The following ALLC variants were observed in gnomAD, a reference collection of about 807,000 sequenced individuals.
ALLC encodes the protein allantoicase, also known as probable inactive allantoicase.
In ALLC, 40 loss-of-function variants were observed where a neutral mutation model predicts 45.0. The ratio of observed to expected loss-of-function variants is 0.89; its 90% CI spans 0.69 to 1.16. The LOEUF is 1.16. Ranked by LOEUF, ALLC falls within the 50% of genes most tolerant of loss-of-function variation. ALLC has a pLI of 0.00. For missense variants in ALLC, 488 were observed against 493.1 expected (o/e 0.99, Z 0.10); for synonymous variants, 176 against 178.1 (o/e 0.99, Z 0.09).
chr2:3,650,931 A>G, the ALLC span, among the ~76,000 whole-genome samples: 1 of 152,196 alleles, frequency 6.6e-6, no homozygotes, highest in Non-Finnish European at 1.5e-5. Context: ...AGTCAGAACC[A>G]TTACCCTGAT....
chr2:3,673,716 A>G (rs1666950561), intron 2 of ALLC, among the ~76,000 whole-genome samples: 1 of 152,240 alleles, frequency 6.6e-6, no homozygotes, highest in South Asian at 2.1e-4. Context: ...CCCCAACCGC[A>G]TACGTAACCC....
chr2:3,647,057 G>GCCCCCGCACCCCTCAT, the ALLC span, among the ~76,000 whole-genome samples: 3 of 152,056 alleles, frequency 2.0e-5, no homozygotes, highest in African/African-American at 7.2e-5. Context: ...CACTCCCTCA[G>GCCCCCGCACCCCTCAT]CCCCCGCACC....
intron 5 of ALLC, among the ~76,000 whole-genome samples, chr2:3,681,221 G>A (rs376663292): frequency 2.0e-5 from 3 of 152,152 alleles, no homozygotes; most frequent in South Asian, 2.1e-4. Context: ...AGATTGTTTC[G>A]GCAAGCCCCT....
chr2:3,660,732 T>G (rs1417846248), intron 1 of ALLC, among the ~76,000 whole-genome samples: 1 of 151,992 alleles, frequency 6.6e-6, no homozygotes, highest in Non-Finnish European at 1.5e-5. Context: ...GATTGGCTGA[T>G]TTAAAGAGAG....
At chr2:3,689,777 G>A (rs185630272) in intron 7 of ALLC, among the ~76,000 whole-genome samples, 6 of 150,684 alleles carry the variant, frequency 4.0e-5, no homozygotes, top group East Asian at 2.0e-4. Context: ...CTGTCTGGAC[G>A]ATTTGTCCAT....
intron 9 of ALLC, 70 bp downstream of exon 9, chr2:3,696,418 A>G (rs1667674983): frequency 7.3e-7 from 1 of 1,373,308 alleles, no homozygotes; most frequent in African/African-American, 1.5e-5. Context: ...TTTCTTTTAA[A>G]TAAACTTTTG....
chr2:3,651,435 G>A, the ALLC span, among the ~76,000 whole-genome samples: 2 of 61,264 alleles, frequency 3.3e-5, no homozygotes, highest in Admixed American at 2.3e-4. Context: ...GTGTGTGTGT[G>A]TGTGTGTTAG....
At chr2:3,651,401 G>GCA in the ALLC span, among the ~76,000 whole-genome samples, 2 of 38,024 alleles carry the variant, frequency 5.3e-5, no homozygotes, top group Admixed American at 3.9e-4. Context: ...GTGTGTGTGT[G>GCA]TGTGTGTGTG....
At chr2:3,693,018 G>A (rs1303749710) in intron 7 of ALLC, among the ~76,000 whole-genome samples, 1 of 152,184 alleles carries the variant, frequency 6.6e-6, no homozygotes, top group Non-Finnish European at 1.5e-5. Flanking sequence ...TGCAACCATG[G>A]GCTGCACTTG....
chr2:3,698,223 C>T (rs1394130721), intron 10 of ALLC, among the ~76,000 whole-genome samples: 1 of 152,198 alleles, frequency 6.6e-6, no homozygotes, highest in Admixed American at 6.5e-5. Context: ...TCTCGGCCTC[C>T]CAAAGTGGTG....
intron 10 of ALLC, among the ~76,000 whole-genome samples, chr2:3,697,835 T>G (rs1287737912): frequency 6.6e-6 from 1 of 151,864 alleles, no homozygotes; most frequent in Non-Finnish European, 1.5e-5. Context: ...CCAGCTAATT[T>G]TGTATTTTTA....
At chr2:3,681,556 C>A in intron 5 of ALLC, 78 bp from the exon 6 acceptor site, 2 of 993,994 alleles carry the variant, frequency 2.0e-6, no homozygotes, top group Non-Finnish European at 3.0e-6. Context: ...CGAGAATTAC[C>A]ATACAAACCA....
At position 3,680,079 on chromosome 2, in the gene ALLC, T is replaced by C; in HGVS notation, c.298+85T>C. On this transcript the variant is annotated intron_variant, in intron 5 of 11. Transcript: ENST00000252505. This position sits in a 1 kb window ranked among gnomAD's most constrained non-coding sequence, Gnocchi z 4.0. ...AGCCACAGCCCCACAACTGCTCACT[T>C]TCCCTACCACCCAGACAGCTTCAGG... 1 of 1,576,492 alleles carries C rather than the reference T, an allele frequency of 6.3e-7. No homozygotes were observed. Among genetic ancestry groups the C allele is most frequent in the Non-Finnish European group, 8.7e-7 (1 of 1,152,754 alleles).
the ALLC span, among the ~76,000 whole-genome samples, chr2:3,651,841 A>T: frequency 6.6e-6 from 1 of 152,190 alleles, no homozygotes; most frequent in African/African-American, 2.4e-5. Flanking sequence ...CTCCTCCCTT[A>T]GGCCTGAAAC....
rs371841466 is a variant in ALLC, at chr2:3,667,240, G to A, written c.-62-3856G>A. 1.3e-4 allele frequency among the ~76,000 whole-genome samples: 20 copies of A among 152,190 alleles called. No individual in the cohort carries two copies. In the East Asian group the frequency reaches 1.3e-3, roughly 10 times the overall value. On this transcript the variant is annotated intron_variant, in intron 1 of 11. Transcript: ENST00000252505. ...TCTTCAGTCCCCCGCTGCACCTCGAGGGGGCCTCTGTCACGGCATTCCCTG... is the reference window on the plus strand; with the variant it reads ...TCTTCAGTCCCCCGCTGCACCTCGAAGGGGCCTCTGTCACGGCATTCCCTG...
At chr2:3,659,387 A>G (rs1302446879) in intron 1 of ALLC, among the ~76,000 whole-genome samples, 2 of 152,194 alleles carry the variant, frequency 1.3e-5, no homozygotes, top group African/African-American at 4.8e-5. Context: ...ACCCATGACA[A>G]TGCTCCTCAT....
chr2:3,702,140 G>A (rs1016282337), intron 11 of ALLC, among the ~76,000 whole-genome samples: 1 of 151,922 alleles, frequency 6.6e-6, no homozygotes, highest in African/African-American at 2.4e-5. Flanking sequence ...GGGCATTTAG[G>A]TTGCCCATCA....
chr2:3,695,494 A>G (rs1482010562), intron 7 of ALLC: 2 of 550,628 alleles, frequency 3.6e-6, no homozygotes, highest in Non-Finnish European at 6.4e-6. Flanking sequence ...TAAGGTGAGG[A>G]ACATAAGTAA....
rs928564896 is a variant in ALLC at position 3,685,534 on chromosome 2, C to A, written c.511+2460C>A. 2.0e-5 allele frequency among the ~76,000 whole-genome samples: 3 copies of A among 150,736 alleles called. 1 individual carries two copies. Among genetic ancestry groups the A allele is most frequent in the Non-Finnish European group, 4.4e-5 (3 of 67,518 alleles). Reference sequence around the variant, plus strand: ...TTTTAAACATCAGATCTCACAAGAACTCCCTATCAGAAGAACAGCATGGGG... The same window carrying A: ...TTTTAAACATCAGATCTCACAAGAAATCCCTATCAGAAGAACAGCATGGGG... On this transcript the variant is annotated intron_variant, in intron 7 of 11. Transcript: ENST00000252505.
Sources: allele counts gnomAD v4.1 joint callset (sites outside exome capture counted in the v4.1 genomes callset), GRCh38; gene constraint gnomAD v4.1.1; non-coding constraint Gnocchi (gnomAD v3.1); transcripts MANE v1.5; gene names NCBI Gene and HGNC (gene_info 2026-07-23, HGNC 2026-07-21).